PKD1L3: variants seen among roughly 807,000 people sequenced by gnomAD.
The protein encoded by PKD1L3 is polycystin 1 like 3, transient receptor potential channel interacting.
Under a neutral mutation model 184.1 loss-of-function variants are expected in PKD1L3, and 239 were observed. The ratio of observed to expected loss-of-function variants is 1.30; its 90% CI spans 1.17 to 1.45. The LOEUF (loss-of-function observed/expected upper bound fraction) is 1.45. Among genes scored for constraint, PKD1L3 ranks in the 40% most tolerant of loss-of-function variants. The pLI is 0.00. For synonymous variants in PKD1L3, 996 were observed against 778.8 expected (o/e 1.28, Z -4.64); for missense variants, 2,660 against 2,067.2 (o/e 1.29, Z -5.56).
At position 71,954,126 on chromosome 16, in the gene PKD1L3, T is replaced by G. The variant is rs1174814797; in HGVS notation, c.2788A>C (p.Thr930Pro). The stretch of plus-strand genomic sequence containing the variant: ...ATACTTTGCTCATCTCTCTTGGCAG[T>G]GGTGCTGTTTATCTTCCAGAACATA... ...NVMFWKINST[T>P]AKRDEQMRPF... Residue 930 changes from threonine (T) to proline (P), a missense_variant, in exon 17 of 30, where the codon ACT (threonine) becomes CCT (proline). Thr to Pro is a conservative substitution (Grantham distance 38). Transcript: ENST00000620267. 1.9e-6 allele frequency: 3 copies of G among 1,545,948 alleles called. No homozygotes were observed. The highest frequency in any genetic ancestry group is 2.6e-6 in the Non-Finnish European group (3 of 1,144,928).
At chr16:71,992,349 G>A (rs1179971014) in intron 3 of PKD1L3, among the ~76,000 whole-genome samples, 4 of 152,170 alleles carry the variant, frequency 2.6e-5, no homozygotes, top group African/African-American at 9.7e-5. Context: ...ATAGTCAAAT[G>A]TCTATTTAAT....
rs986706026 is a variant in PKD1L3, at chr16:71,950,208, G to A, written c.3293C>T (p.Ser1098Phe). ...GCTGGCTGCATCTAGGAAGTCACAG[G>A]ACTGGTGACCCTGGGTGAGACCCAG... ...GTLGLTQGHQ[S>F]CDFLDAASQL... The change falls in exon 20 of 30, where the codon TCC becomes TTC. Residue 1098 changes from serine to phenylalanine, a missense_variant. Coordinates refer to ENST00000620267, the MANE Select transcript of PKD1L3 (RefSeq NM_181536.2). 1 of 1,552,146 alleles carries A rather than the reference G, an allele frequency of 6.4e-7. No individual in the cohort carries two copies. Among genetic ancestry groups the A allele is most frequent in the African/African-American group, 1.4e-5 (1 of 73,022 alleles).
intron 28 of PKD1L3, chr16:71,930,410 C>A: frequency 2.8e-6 from 1 of 360,566 alleles, no homozygotes; most frequent in Non-Finnish European, 4.9e-6. Context: ...AGGGCTTTCA[C>A]AAGAAAACAG....
At chr16:71,990,085 CAAA>C (rs34692174) in intron 4 of PKD1L3, among the ~76,000 whole-genome samples, 192 bp downstream of exon 4, 8,708 of 119,062 alleles carry the variant, frequency 0.073, 817 homozygotes, top group African/African-American at 0.23. Flanking sequence ...TCTCTCCCAC[CAAA>C]AAAAAAAAAA....
intron 16 of PKD1L3, among the ~76,000 whole-genome samples, chr16:71,960,265 T>C (rs1418911188): frequency 5.9e-5 from 9 of 151,582 alleles, no homozygotes; most frequent in African/African-American, 2.2e-4. Flanking sequence ...TAATGCAAAA[T>C]AATATGGTAA....
Position 71,980,065 on chromosome 16 carries a change from G to T in PKD1L3, c.1213C>A (p.Gln405Lys). ...NIGEAFLEQNQSPESSVTLTS... is the reference protein window; with the variant it reads ...NIGEAFLEQNKSPESSVTLTS... Reference sequence around the variant, plus strand: ...AAAGTCACTGAAGACTCGGGAGACTGGTTCTGCTCTAGAAATGCTTCCCCG... The same window carrying T: ...AAAGTCACTGAAGACTCGGGAGACTTGTTCTGCTCTAGAAATGCTTCCCCG... The change falls in exon 8 of 30, where the codon CAG becomes AAG. Residue 405 changes from glutamine to lysine, a missense_variant. By Grantham distance (53) the Gln-to-Lys change is moderately conservative. Transcript: ENST00000620267. The T allele has an allele frequency of 1.9e-6, 3 of 1,551,854 alleles. No homozygotes were observed. Among genetic ancestry groups the T allele is most frequent in the Non-Finnish European group, 2.6e-6 (3 of 1,147,030 alleles).
chr16:71,935,559 A>G, intron 25 of PKD1L3, 41 bp from the exon 26 acceptor site: 2 of 1,538,132 alleles, frequency 1.3e-6, no homozygotes. Flanking sequence ...TGTCTGAGAG[A>G]TTAGCTAGGT....
chr16:71,937,825 C>T (rs1245215916), intron 24 of PKD1L3, among the ~76,000 whole-genome samples: 3 of 152,172 alleles, frequency 2.0e-5, no homozygotes, highest in Non-Finnish European at 4.4e-5. Context: ...AAGGCTTCAG[C>T]CTCCACCTGG....
At chr16:71,956,077 C>G (rs1011067152) in intron 16 of PKD1L3, among the ~76,000 whole-genome samples, 2 of 151,728 alleles carry the variant, frequency 1.3e-5, no homozygotes, top group Admixed American at 6.6e-5. Context: ...AGGCTGGTCT[C>G]GAACTCCTGA....
chr16:71,961,260 C>A (rs1438356506), intron 16 of PKD1L3, among the ~76,000 whole-genome samples: 1 of 152,024 alleles, frequency 6.6e-6, no homozygotes, highest in African/African-American at 2.4e-5. Flanking sequence ...GTAGCTGGGA[C>A]TACAGGCGTG....
intron 22 of PKD1L3, among the ~76,000 whole-genome samples, chr16:71,945,301 T>TATACACACACACACAC (rs2038540952): frequency 3.6e-5 from 2 of 55,694 alleles, no homozygotes; most frequent in African/African-American, 1.5e-4. Context: ...TATATATATA[T>TATACACACACACACAC]ATATACACAC....
chr16:71,978,129 T>C (rs2143706115), intron 10 of PKD1L3, 126 bp downstream of exon 10: 3 of 1,157,560 alleles, frequency 2.6e-6, no homozygotes, highest in Non-Finnish European at 3.6e-6. Flanking sequence ...GTTCCTAAGA[T>C]GTTAATAACA....
In PKD1L3 at chr16:71,993,249, C is replaced by G; in HGVS notation, c.502G>C (p.Gly168Arg). The G allele has an allele frequency of 6.4e-7, 1 of 1,550,458 alleles. No homozygotes were observed. The highest frequency in any genetic ancestry group is 8.7e-7 in the Non-Finnish European group (1 of 1,146,460). ...ATTTTGTCTCTTGCTATTGCAACTC[C>G]TCTTTTTGTCTTCTTGTGTCTCTGG... ...LYQRHKKTKR[G>R]VAIARDKMPP... The change falls in exon 3 of 30, where the codon GGA becomes CGA. Residue 168 changes from glycine (G) to arginine (R), a missense_variant. By Grantham distance (125) the Gly-to-Arg change is moderately radical. Transcript: ENST00000620267.
At chr16:71,980,163 T>G (rs2143733060) in intron 7 of PKD1L3, 29 bp from the exon 8 acceptor site, 1 of 1,547,318 alleles carries the variant, frequency 6.5e-7, no homozygotes, top group East Asian at 2.4e-5. Flanking sequence ...AGTGTGTGAC[T>G]TGTAAAACCT....
chr16:71,986,605 T>TTTGA, intron 4 of PKD1L3, 136 bp from the exon 5 acceptor site: 1 of 1,010,754 alleles, frequency 9.9e-7, no homozygotes, highest in Non-Finnish European at 1.4e-6. Context: ...AAAAATTCTG[T>TTTGA]GCTCAAACAG....
chr16:72,000,082 A>T lies in PKD1L3; in HGVS notation c.-104T>A, dbSNP rs2040916737. 1 of 961,600 alleles carries T rather than the reference A, an allele frequency of 1.0e-6. No homozygotes were observed. The highest frequency in any genetic ancestry group is 1.4e-6 in the Non-Finnish European group (1 of 692,864). 59.6% of individuals were successfully genotyped at this position (961,600 alleles called of 1,614,324 possible). ...GTCTTATTAGTATTATTCTTTTATG[A>T]ATTGGGAACAATTTACCAAGGATAC... On this transcript the variant is annotated 5_prime_UTR_variant, in exon 1 of 30. Coordinates refer to ENST00000620267, the MANE Select transcript of PKD1L3 (RefSeq NM_181536.2).
intron 22 of PKD1L3, among the ~76,000 whole-genome samples, chr16:71,945,388 A>ATTTATTTATTTATT (rs1555514810): frequency 1.1e-4 from 7 of 65,992 alleles, no homozygotes; most frequent in African/African-American, 3.4e-4. Flanking sequence ...ACACACATAT[A>ATTTATTTATTTATT]TATATATATA....
Position 71,967,119 on chromosome 16 carries a change from C to A in PKD1L3, c.2465+18G>T. ...TCCACAAAGCAGCAGCAACAGCCAA[C>A]AGGATATAAGTACTCACCAGGAGGG... On this transcript the variant is annotated intron_variant, in intron 15 of 29. Transcript: ENST00000620267. 2 of 1,543,214 alleles carry A rather than the reference C, an allele frequency of 1.3e-6. No homozygotes were observed. The highest frequency in any genetic ancestry group is 1.2e-5 in the South Asian group (1 of 82,610).
Position 71,977,363 on chromosome 16 carries a change from G to A in PKD1L3, c.1632C>T (p.Ser544=), listed in dbSNP as rs2039969155. ...TGTCAGGATCTATGCTCACTATCAAGGATTTCTCCAAGGAAGTGACGTTCA... is the reference window on the plus strand; with the variant it reads ...TGTCAGGATCTATGCTCACTATCAAAGATTTCTCCAAGGAAGTGACGTTCA... ...ITVNVTSLEK[S]LIVSIDPDSP... Residue 544 remains serine, a synonymous_variant, in exon 11 of 30, where the codon TCC becomes TCT. Transcript: ENST00000620267. The A allele has an allele frequency of 6.5e-7, 1 of 1,549,898 alleles. No homozygotes were observed. The highest frequency in any genetic ancestry group is 1.2e-5 in the South Asian group (1 of 84,008).
Sources: allele counts gnomAD v4.1 joint callset (sites outside exome capture counted in the v4.1 genomes callset), GRCh38; gene constraint gnomAD v4.1.1; transcripts MANE v1.5; gene names NCBI Gene and HGNC (gene_info 2026-07-23, HGNC 2026-07-21).